Variants in GALNT13 observed in about 807,000 individuals in gnomAD.
The protein encoded by GALNT13 is polypeptide N-acetylgalactosaminyltransferase 13.
A neutral mutation model predicts 64.2 loss-of-function variants in GALNT13; 28 were observed. The observed-to-expected ratio is 0.44, with a 90% CI of 0.32 to 0.60. GALNT13 has a LOEUF of 0.60. Among genes scored for constraint, GALNT13 ranks in the 20% least tolerant of loss-of-function variants. The pLI is 0.05. For synonymous variants in GALNT13, 214 were observed against 224.6 expected, an observed-to-expected ratio of 0.95 and a Z score of 0.42; for missense variants, 577 against 669.8, an observed-to-expected ratio of 0.86 and a Z score of 1.53.
the GALNT13 span, among the ~76,000 whole-genome samples, chr2:153,539,815 G>C: frequency 1.3e-5 from 2 of 152,064 alleles, no homozygotes; most frequent in Admixed American, 6.6e-5. Context: ...ATAGTTTGAA[G>C]TCAGGTAGTG....
intron 4 of GALNT13, 130 bp from the exon 5 acceptor site, chr2:154,241,900 G>A: frequency 2.0e-6 from 1 of 501,934 alleles, no homozygotes; most frequent in African/African-American, 2.0e-5. Context: ...AATGATTTTA[G>A]ATATTCATAA....
chr2:154,194,863 T>C (rs1686794074), intron 4 of GALNT13, among the ~76,000 whole-genome samples: 1 of 151,586 alleles, frequency 6.6e-6, no homozygotes, highest in South Asian at 2.1e-4. Context: ...AGCTGTATTT[T>C]TTTTTTTTTT....
chr2:153,534,377 A>G, the GALNT13 span, among the ~76,000 whole-genome samples: 1 of 152,100 alleles, frequency 6.6e-6, no homozygotes, highest in Non-Finnish European at 1.5e-5. Flanking sequence ...ATGACTCTGG[A>G]CTAACTTCAC....
chr2:153,553,899 G>A, the GALNT13 span, among the ~76,000 whole-genome samples: 10 of 152,244 alleles, frequency 6.6e-5, no homozygotes, highest in Admixed American at 1.3e-4. Context: ...AAATTCCTCA[G>A]ACAGCTTTGA....
At chr2:153,621,435 T>C in the GALNT13 span, among the ~76,000 whole-genome samples, 5 of 152,120 alleles carry the variant, frequency 3.3e-5, no homozygotes, top group African/African-American at 1.2e-4. Context: ...CAAGGTTTGC[T>C]GTAACCACTC....
At chr2:153,873,080 C>T (rs1162287569) in intron 1 of GALNT13, among the ~76,000 whole-genome samples, 1 of 152,214 alleles carries the variant, frequency 6.6e-6, no homozygotes, top group African/African-American at 2.4e-5. Flanking sequence ...ATCTCTGTCT[C>T]CCTCTGTCAT....
chr2:153,118,228 C>T, the GALNT13 span, among the ~76,000 whole-genome samples: 18,517 of 151,608 alleles, frequency 0.12, 1,336 homozygotes, highest in East Asian at 0.25. Flanking sequence ...GCATTTTCTC[C>T]CTAGTTGCAA....
At chr2:153,630,992 G>A in the GALNT13 span, among the ~76,000 whole-genome samples, 4 of 150,778 alleles carry the variant, frequency 2.7e-5, no homozygotes, top group African/African-American at 4.9e-5. Flanking sequence ...CCCGGTGTGC[G>A]ATGTTCCCCT....
At chr2:154,371,154 C>T (rs1697664301) in intron 9 of GALNT13, among the ~76,000 whole-genome samples, 1 of 151,990 alleles carries the variant, frequency 6.6e-6, no homozygotes, top group Admixed American at 6.6e-5. Context: ...TTGATAGAAG[C>T]CACCTAAGTG....
chr2:154,246,480 A>G (rs1247953958), intron 7 of GALNT13, among the ~76,000 whole-genome samples: 1 of 152,112 alleles, frequency 6.6e-6, no homozygotes, highest in African/African-American at 2.4e-5. Context: ...ATCCCAAATT[A>G]CTTCAAATAC....
chr2:153,765,977 CTG>C, the GALNT13 span, among the ~76,000 whole-genome samples: 2 of 152,190 alleles, frequency 1.3e-5, no homozygotes, highest in East Asian at 3.9e-4. Flanking sequence ...GCATGTGGAA[CTG>C]TGAGTCAATT....
chr2:154,052,272 A>C (rs192175894), intron 3 of GALNT13, among the ~76,000 whole-genome samples: 15 of 152,296 alleles, frequency 9.8e-5, no homozygotes. Flanking sequence ...CCAAGGTACT[A>C]TGCTATCTGA....
the GALNT13 span, among the ~76,000 whole-genome samples, chr2:153,479,999 A>G: frequency 2.6e-5 from 4 of 152,116 alleles, no homozygotes; most frequent in East Asian, 1.9e-4. Flanking sequence ...TGAGCTTCCA[A>G]TAGAATACAT....
chr2:153,344,052 A>AT, the GALNT13 span, among the ~76,000 whole-genome samples: 2 of 152,078 alleles, frequency 1.3e-5, no homozygotes, highest in Non-Finnish European at 2.9e-5. Flanking sequence ...CTATACTATA[A>AT]TTTCTTTTTT....
the GALNT13 span, among the ~76,000 whole-genome samples, chr2:153,718,474 G>A: frequency 4.0e-5 from 6 of 150,466 alleles, no homozygotes; most frequent in African/African-American, 4.9e-5. Flanking sequence ...GAAGTTATTC[G>A]TTAAACATTA....
intron 3 of GALNT13, among the ~76,000 whole-genome samples, chr2:153,965,881 T>C (rs565672871): frequency 6.6e-6 from 1 of 151,880 alleles, no homozygotes; most frequent in African/African-American, 2.4e-5. Flanking sequence ...TCTCTACTTA[T>C]ATATTTTATA....
At chr2:153,672,915 G>T in the GALNT13 span, among the ~76,000 whole-genome samples, 3 of 150,478 alleles carry the variant, frequency 2.0e-5, no homozygotes, top group Admixed American at 6.6e-5. Flanking sequence ...TACCATCAGA[G>T]AATACTATAA....
chr2:153,728,636 A>G, the GALNT13 span, among the ~76,000 whole-genome samples: 1 of 152,308 alleles, frequency 6.6e-6, no homozygotes, highest in Non-Finnish European at 1.5e-5. Flanking sequence ...ACAAGAAATA[A>G]GTAAGATCAG....
At chr2:154,031,022 C>T (rs1394756452) in intron 3 of GALNT13, among the ~76,000 whole-genome samples, 1 of 152,074 alleles carries the variant, frequency 6.6e-6, no homozygotes, top group Non-Finnish European at 1.5e-5. Context: ...ACATGTTTCT[C>T]ATATTTTTAG....
Sources: gnomAD v4.1 joint callset for allele counts (sites outside exome capture counted in the v4.1 genomes callset) on GRCh38, gnomAD v4.1.1 for gene constraint, MANE v1.5 for transcripts, NCBI Gene and HGNC (gene_info 2026-07-23, HGNC 2026-07-21) for gene names.